The following ZBTB38 variants were observed in gnomAD, a reference collection of about 807,000 sequenced individuals.
ZBTB38 encodes the protein zinc finger and BTB domain-containing protein 38.
Under a neutral mutation model 76.8 loss-of-function variants are expected in ZBTB38, and 20 were observed. That is an observed-to-expected ratio of 0.26 (90% CI 0.18 to 0.38). ZBTB38 has a LOEUF of 0.38. Among genes scored for constraint, ZBTB38 ranks in the 10% least tolerant of loss-of-function variants. ZBTB38 has a pLI of 1.00. For synonymous variants in ZBTB38, 504 were observed against 544.2 expected (o/e 0.93, Z 1.03); for missense variants, 1,082 against 1,482.3 (o/e 0.73, Z 4.43).
intron 2 of ZBTB38, among the ~76,000 whole-genome samples, chr3:141,376,238 G>T (rs1018618395): frequency 1.3e-5 from 2 of 152,096 alleles, no homozygotes; most frequent in African/African-American, 2.4e-5. Context: ...TCACGTTCAG[G>T]TTCTTGAAAT....
At chr3:141,438,520 C>T (rs1402625800) in intron 5 of ZBTB38, among the ~76,000 whole-genome samples, 11 of 150,834 alleles carry the variant, frequency 7.3e-5, no homozygotes, top group Admixed American at 7.2e-4. Flanking sequence ...CCACGCCTGG[C>T]CCACCCCATC....
At chr3:141,379,558 G>A (rs1945899145) in intron 2 of ZBTB38, among the ~76,000 whole-genome samples, 1 of 152,214 alleles carries the variant, frequency 6.6e-6, no homozygotes, top group African/African-American at 2.4e-5. Context: ...GCCTGGCTGT[G>A]AGTTGGCAAC....
chr3:141,380,852 C>G (rs1024111946), intron 2 of ZBTB38, among the ~76,000 whole-genome samples: 6 of 152,052 alleles, frequency 3.9e-5, no homozygotes, highest in Admixed American at 1.3e-4. Context: ...TAAATTTATT[C>G]CCAGGTTTAA....
At chr3:141,437,866 A>G (rs1295542556) in intron 5 of ZBTB38, among the ~76,000 whole-genome samples, 1 of 152,184 alleles carries the variant, frequency 6.6e-6, no homozygotes, top group East Asian at 1.9e-4. Flanking sequence ...ATTCGTTCAA[A>G]GGAGGGATGA....
At chr3:141,326,869 C>T (rs545953201) in intron 1 of ZBTB38, among the ~76,000 whole-genome samples, 34 of 152,254 alleles carry the variant, frequency 2.2e-4, no homozygotes, top group African/African-American at 7.7e-4. Flanking sequence ...AGGCCAGGCT[C>T]GTTTGTGGCA....
chr3:141,405,267 A>T (rs1953965171), intron 5 of ZBTB38, among the ~76,000 whole-genome samples: 1 of 152,248 alleles, frequency 6.6e-6, no homozygotes, highest in Non-Finnish European at 1.5e-5. Flanking sequence ...ATATGCTAGA[A>T]TGTCAGCTCC....
intron 2 of ZBTB38, among the ~76,000 whole-genome samples, chr3:141,379,866 T>C (rs1945945230): frequency 6.6e-6 from 1 of 152,248 alleles, no homozygotes; most frequent in African/African-American, 2.4e-5. Flanking sequence ...TTGGCCAACA[T>C]TGACTATTTT....
At chr3:141,398,412 G>A (rs1950871229) in intron 4 of ZBTB38, among the ~76,000 whole-genome samples, 1 of 151,964 alleles carries the variant, frequency 6.6e-6, no homozygotes, top group Non-Finnish European at 1.5e-5. Context: ...ATCTACGCAT[G>A]GTGCATTTTT....
intron 4 of ZBTB38, among the ~76,000 whole-genome samples, chr3:141,390,479 A>G (rs6808936): frequency 0.53 from 80,151 of 152,160 alleles, 23,876 homozygotes; most frequent in African/African-American, 0.82. Context: ...ATCTCTTGCC[A>G]TAATACTAGA....
intron 1 of ZBTB38, among the ~76,000 whole-genome samples, chr3:141,350,250 T>A (rs1435050698): frequency 6.6e-6 from 1 of 152,206 alleles, no homozygotes; most frequent in African/African-American, 2.4e-5. Context: ...ATGAAGTCTT[T>A]TGTGCTTTCT....
intron 5 of ZBTB38, chr3:141,432,353 CTGT>C: frequency 2.2e-6 from 2 of 892,526 alleles, no homozygotes; most frequent in Non-Finnish European, 2.7e-6. Flanking sequence ...TCTGTCGATT[CTGT>C]TGTTATTATG....
chr3:141,363,267 G>T (rs975553290), intron 1 of ZBTB38, among the ~76,000 whole-genome samples: 1 of 152,008 alleles, frequency 6.6e-6, no homozygotes, highest in South Asian at 2.1e-4. Context: ...AAATGAGAAG[G>T]TTTCCTAGGT....
At chr3:141,375,890 T>C (rs2149091433) in intron 2 of ZBTB38, among the ~76,000 whole-genome samples, 1 of 152,232 alleles carries the variant, frequency 6.6e-6, no homozygotes, top group South Asian at 2.1e-4. Context: ...CTGGGCTGCC[T>C]TCTGACAGCA....
intron 5 of ZBTB38, among the ~76,000 whole-genome samples, chr3:141,426,728 A>G (rs1478639585): frequency 6.6e-6 from 1 of 152,236 alleles, no homozygotes; most frequent in Non-Finnish European, 1.5e-5. Flanking sequence ...TTGCCAATTC[A>G]GCCCAGGTAC....
chr3:141,398,516 T>C (rs1950895363), intron 4 of ZBTB38, among the ~76,000 whole-genome samples: 1 of 152,342 alleles, frequency 6.6e-6, no homozygotes, highest in Middle Eastern at 3.4e-3. Context: ...TAAATACTTT[T>C]ATTAACATAA....
At chr3:141,374,106 G>A (rs1391907772) in intron 2 of ZBTB38, among the ~76,000 whole-genome samples, 48 of 150,630 alleles carry the variant, frequency 3.2e-4, no homozygotes, top group Non-Finnish European at 2.5e-4. Context: ...CTCCAGCCTA[G>A]GCAACAGAGG....
rs1017765788 is a variant in ZBTB38, at chr3:141,381,431, C to T, written c.-228C>T. The T allele has an allele frequency of 3.3e-5, 5 of 152,384 alleles. No homozygotes were observed. Among genetic ancestry groups the T allele is most frequent in the African/African-American group, 7.2e-5 (3 of 41,460 alleles). The allele number at this position is 152,384 out of a possible 1,614,324, so 9.4% of individuals were successfully genotyped here. A position where few individuals can be genotyped will look rare whatever the true frequency, so the allele number is the denominator to read the frequency against. ...AGTTCCCTTTTCCTTCCAGCTCTTT[C>T]CTGGAGAGTAACCCCAGTTTGGTCC... is the stretch of plus-strand genomic sequence containing the variant. On this transcript the variant is annotated 5_prime_UTR_variant, in exon 3 of 6. Transcript: ENST00000321464.
intron 2 of ZBTB38, among the ~76,000 whole-genome samples, chr3:141,373,007 T>A (rs1944855506): frequency 6.6e-6 from 1 of 152,204 alleles, no homozygotes; most frequent in South Asian, 2.1e-4. Context: ...TGCATATTAC[T>A]ACAGGAAGGG....
At chr3:141,399,369 C>T (rs1951167104) in intron 4 of ZBTB38, among the ~76,000 whole-genome samples, 1 of 152,118 alleles carries the variant, frequency 6.6e-6, no homozygotes, top group African/African-American at 2.4e-5. Flanking sequence ...CTGGCTCCCA[C>T]GGGCATGGGA....
Sources: gnomAD v4.1 joint callset for allele counts (sites outside exome capture counted in the v4.1 genomes callset) on GRCh38, gnomAD v4.1.1 for gene constraint, MANE v1.5 for transcripts, NCBI Gene and HGNC (gene_info 2026-07-23, HGNC 2026-07-21) for gene names.